The following KLRC3 variants were observed in gnomAD, a reference collection of about 807,000 sequenced individuals.
The protein encoded by KLRC3 is NKG2-E type II integral membrane protein.
In KLRC3, 16 loss-of-function variants were observed where a neutral mutation model predicts 23.6. The ratio of observed to expected loss-of-function variants is 0.68; its 90% confidence interval spans 0.46 to 1.03. The LOEUF (loss-of-function observed/expected upper bound fraction) is 1.03, where lower values mean the gene tolerates loss of function less well. Among genes scored for constraint, KLRC3 ranks in the 50% least tolerant of loss-of-function variants. The probability of loss-of-function intolerance (pLI) is 0.00; values close to 1 mark genes in which losing one functional copy is unlikely to be tolerated. For synonymous variants in KLRC3, 70 were observed against 71.8 expected, an observed-to-expected ratio of 0.98 and a Z score of 0.13; for missense variants, 209 against 232.2, an observed-to-expected ratio of 0.90 and a Z score of 0.65.
At chr12:10,416,569 C>G (rs1367838125) in intron 5 of KLRC3, 98 bp downstream of exon 5, 1 of 1,390,578 alleles carries the variant, frequency 7.2e-7, no homozygotes, top group Non-Finnish European at 9.7e-7. Context: ...CTTTCCACAT[C>G]TTTCTTCATA....
chr12:10,414,926 G>A (rs1400224611), intron 6 of KLRC3, among the ~76,000 whole-genome samples: 13 of 151,870 alleles, frequency 8.6e-5, no homozygotes. Flanking sequence ...TTATTAAAGG[G>A]AATATTAAAA....
At chr12:10,418,241 A>C (rs1281551219) in intron 4 of KLRC3, 103 bp downstream of exon 4, 12 of 1,146,012 alleles carry the variant, frequency 1.0e-5, no homozygotes, top group Non-Finnish European at 1.5e-5. Flanking sequence ...ACACTTGAAA[A>C]TATATAAGCT....
chr12:10,416,086 G>A (rs139665295), intron 5 of KLRC3, among the ~76,000 whole-genome samples: 5 of 152,130 alleles, frequency 3.3e-5, no homozygotes, highest in African/African-American at 1.2e-4. Context: ...TAAAAATTAG[G>A]CACAATAAGA....
intron 1 of KLRC3, 81 bp from the exon 2 acceptor site, chr12:10,420,045 G>A (rs1308047257): frequency 3.2e-6 from 1 of 313,002 alleles, no homozygotes; most frequent in Non-Finnish European, 6.0e-6. Context: ...TTACATACTA[G>A]AGAACCCACA....
Position 10,420,466 on chromosome 12 carries a change from T to A in KLRC3, c.85A>T (p.Ser29Cys). Residue 29 changes from serine to cysteine, a missense_variant, in exon 1 of 7, where the codon AGC becomes TGC. Physicochemically the swap from Ser to Cys is moderately radical, Grantham distance 112 (BLOSUM62 -1). Coordinates refer to ENST00000396439, the MANE Select transcript of KLRC3 (RefSeq NM_002261.3). ...WQQRKPKGNKSSISGTEQEIF... is the reference protein window; with the variant it reads ...WQQRKPKGNKCSISGTEQEIF... ...TCCTGTTCGGTTCCTGAAATGGAGCTTTTATTGCCTTTAGGTTTCCTTTGC... is the reference window on the plus strand; with the variant it reads ...TCCTGTTCGGTTCCTGAAATGGAGCATTTATTGCCTTTAGGTTTCCTTTGC... 1.9e-6 allele frequency: 3 copies of A among 1,613,074 alleles called. No individual in the cohort carries two copies. The highest frequency in any genetic ancestry group is 2.5e-6 in the Non-Finnish European group (3 of 1,179,630).
chr12:10,417,411 T>C (rs2447706), intron 4 of KLRC3, among the ~76,000 whole-genome samples: 108,033 of 139,410 alleles, frequency 0.77, 40,611 homozygotes, highest in African/African-American at 0.83. Flanking sequence ...AGTGTCCGAG[T>C]GAGCATGTTA....
intron 4 of KLRC3, 29 bp downstream of exon 4, chr12:10,418,315 A>G: frequency 1.3e-6 from 2 of 1,553,694 alleles, no homozygotes; most frequent in Non-Finnish European, 1.8e-6. Context: ...GAAGCTTTTC[A>G]TAAAATGTTT....
At chr12:10,415,851 C>G in intron 5 of KLRC3, 57 bp from the exon 6 acceptor site, 1 of 1,266,380 alleles carries the variant, frequency 7.9e-7, no homozygotes, top group Non-Finnish European at 1.1e-6. Context: ...ACCCATGAGA[C>G]AAAAGCATTT....
intron 4 of KLRC3, among the ~76,000 whole-genome samples, chr12:10,417,625 G>T (rs1201636219): frequency 7.1e-6 from 1 of 141,316 alleles, no homozygotes; most frequent in Admixed American, 7.5e-5. Context: ...AGACACCAGG[G>T]TGGTTGTGGG....
intron 6 of KLRC3, 28 bp downstream of exon 6, chr12:10,415,676 G>A: frequency 6.2e-7 from 1 of 1,612,858 alleles, no homozygotes; most frequent in South Asian, 1.1e-5. Flanking sequence ...GCAAGCTCAA[G>A]CGCTTTAATT....
intron 6 of KLRC3, among the ~76,000 whole-genome samples, chr12:10,413,754 T>A (rs974364695): frequency 3.7e-4 from 57 of 152,246 alleles, no homozygotes; most frequent in African/African-American, 1.3e-3. Context: ...CATTAGGTAT[T>A]TCTCCTAATG....
intron 6 of KLRC3, among the ~76,000 whole-genome samples, chr12:10,413,304 G>GT (rs1863597609): frequency 6.6e-6 from 1 of 152,068 alleles, no homozygotes; most frequent in South Asian, 2.1e-4. Context: ...TTATCAAGAT[G>GT]AATGGTCACA....
chr12:10,418,512 G>T lies in KLRC3; in HGVS notation c.332-14C>A. On this transcript the variant is annotated splice_polypyrimidine_tract_variant and intron_variant, in intron 3 of 6. Coordinates refer to ENST00000396439, the MANE Select transcript of KLRC3 (RefSeq NM_002261.3). ...CACAATGACGTGCTAATAAAGATAT[G>T]AATTACTATCTAGACCAATATGAAT... is the stretch of plus-strand genomic sequence containing the variant. The T allele has an allele frequency of 3.2e-6, 5 of 1,552,286 alleles. No homozygotes were observed. The highest frequency in any genetic ancestry group is 4.4e-6 in the Non-Finnish European group (5 of 1,131,002).
Position 10,412,807 on chromosome 12 carries a change from A to T in KLRC3, c.679-191T>A, listed in dbSNP as rs868214270. Among the ~76,000 whole-genome samples the T allele has an allele frequency of 1.1e-4, 16 of 152,316 alleles. No individual in the cohort carries two copies. The Middle Eastern group carries it at 0.02, about 194-fold the overall frequency. ...ATTAATTTTCCAAACCATTAGTAAT[A>T]TATTTTTTATCATTGCATATACCTA... is the stretch of plus-strand genomic sequence containing the variant. On this transcript the variant is annotated intron_variant, in intron 6 of 6. Transcript: ENST00000396439.
Position 10,420,413 on chromosome 12 carries a change from T to C in KLRC3, c.138A>G (p.Gln46=), listed in dbSNP as rs1565503896. 1.2e-6 allele frequency: 2 copies of C among 1,613,796 alleles called. No homozygotes were observed. Among genetic ancestry groups the C allele is most frequent in the Admixed American group, 1.7e-5 (1 of 59,994 alleles). Residue 46 remains glutamine (Q), a synonymous_variant, in exon 1 of 7, where the codon CAA becomes CAG. Coordinates refer to ENST00000396439, the MANE Select transcript of KLRC3 (RefSeq NM_002261.3). ...TCCCTTGATGATTCAGAGAAGCATT[T>C]TGAAGGTTTAATTCTACTTGGAATA... is the stretch of plus-strand genomic sequence containing the variant. The part of the protein sequence containing the change: ...QEIFQVELNL[Q]NASLNHQGID...
At chr12:10,413,391 C>T (rs1863598768) in intron 6 of KLRC3, among the ~76,000 whole-genome samples, 1 of 152,122 alleles carries the variant, frequency 6.6e-6, no homozygotes. Flanking sequence ...CCATTATGGT[C>T]TTTACAGTTA....
Position 10,418,452 on chromosome 12 carries a change from G to A in KLRC3, c.378C>T (p.Asn126=). ...TTTCCTTACCAATGTAATAACAACT[G>A]TTGGAATATGTAATCCACTCCTCAG... ...HCPEEWITYS[N]SCYYIGKERR... is the part of the protein sequence containing the mutation. The change falls in exon 4 of 7, where the codon AAC becomes AAT. Residue 126 remains asparagine, a synonymous_variant. Transcript: ENST00000396439. The A allele has an allele frequency of 6.2e-7, 1 of 1,605,582 alleles. No homozygotes were observed. Among genetic ancestry groups the A allele is most frequent in the South Asian group, 1.1e-5 (1 of 90,874 alleles).
intron 6 of KLRC3, among the ~76,000 whole-genome samples, chr12:10,414,114 G>A (rs1013373155): frequency 6.6e-6 from 1 of 152,044 alleles, no homozygotes; most frequent in Non-Finnish European, 1.5e-5. Flanking sequence ...CATAGATGAA[G>A]AAACATATCT....
chr12:10,419,328 A>AGTTT lies in KLRC3; in HGVS notation c.287-244_287-241dup, dbSNP rs1555124591. Among the ~76,000 whole-genome samples, 4 of 3,720 alleles carry AGTTT rather than the reference A, an allele frequency of 1.1e-3. 1 individual carries two copies. Among genetic ancestry groups the AGTTT allele is most frequent in the Non-Finnish European group, 4.9e-3 (3 of 612 alleles). 2.4% of individuals were successfully genotyped at this position (3,720 alleles called of 152,430 possible). A position where few individuals can be genotyped will look rare whatever the true frequency, so the allele number is the denominator to read the frequency against. ...TTTGATGTAACCACTTTCAAAAATTAGTTTTTCTAAATACTTTTCTTCTAT... is the reference window on the plus strand; with the variant it reads ...TTTGATGTAACCACTTTCAAAAATTAGTTTGTTTTTCTAAATACTTTTCTTCTAT... On this transcript the variant is annotated intron_variant, in intron 2 of 6. Coordinates refer to ENST00000396439, the MANE Select transcript of KLRC3 (RefSeq NM_002261.3).
Sources: allele counts gnomAD v4.1 joint callset (sites outside exome capture counted in the v4.1 genomes callset), GRCh38; gene constraint gnomAD v4.1.1; transcripts MANE v1.5; gene names NCBI Gene and HGNC (gene_info 2026-07-23, HGNC 2026-07-21).